The following YPEL5 variants were observed in gnomAD, a reference collection of about 807,000 sequenced individuals.
YPEL5 encodes the protein yippee like 5.
In YPEL5, 1 loss-of-function variant was observed where a neutral mutation model predicts 10.5. The ratio of observed to expected loss-of-function variants is 0.10; its 90% CI spans 0.03 to 0.45. The LOEUF (loss-of-function observed/expected upper bound fraction) is 0.45. YPEL5 is among the 20% of genes least tolerant of loss of function. The probability of loss-of-function intolerance (pLI) is 0.97; values close to 1 mark genes in which losing one functional copy is unlikely to be tolerated. For missense variants in YPEL5, 68 were observed against 159.3 expected (o/e 0.43, Z 3.09); for synonymous variants, 61 against 56.6 (o/e 1.08, Z -0.35).
At position 30,147,873 on chromosome 2, in the gene YPEL5, C is replaced by T. The variant is rs181330454; in HGVS notation, c.-25+811C>T. The T allele has an allele frequency of 4.9e-3, 754 of 153,942 alleles. 12 individuals are homozygous for T. Among genetic ancestry groups the T allele is most frequent in the African/African-American group, 0.017 (726 of 41,534 alleles). The allele number at this position is 153,942 out of a possible 1,614,324, so 9.5% of individuals were successfully genotyped here. The stretch of plus-strand genomic sequence containing the variant: ...CGCCACCGCCGCCGCCGCGCTCTGC[C>T]GCCCCGGTCCCTCCCGATTGGCCGG... On this transcript the variant is annotated intron_variant, in intron 1 of 2. Transcript: ENST00000261353.
At chr2:30,149,630 TAA>T (rs1675686120) in intron 1 of YPEL5, among the ~76,000 whole-genome samples, 1 of 152,320 alleles carries the variant, frequency 6.6e-6, no homozygotes, top group South Asian at 2.1e-4. Flanking sequence ...GGGAAGAGAT[TAA>T]AAACGAGATA....
At chr2:30,154,046 G>A (rs2103514689) in intron 1 of YPEL5, among the ~76,000 whole-genome samples, 1 of 152,334 alleles carries the variant, frequency 6.6e-6, no homozygotes, top group African/African-American at 2.4e-5. Context: ...AGTGGTCAAT[G>A]TAGATACAGG....
rs1268221693 is a variant in YPEL5 at position 30,160,503 on chromosome 2, G to T, written c.*1660G>T. On this transcript the variant is annotated 3_prime_UTR_variant, in exon 3 of 3. Transcript: ENST00000261353. The stretch of plus-strand genomic sequence containing the variant: ...CTTACCTACAGCACTATGTGCATTT[G>T]CTGTCACAATAAAGTATATTTTGTC... 6.6e-6 allele frequency: 1 copy of T among 152,172 alleles called. No homozygotes were observed. Among genetic ancestry groups the T allele is most frequent in the Non-Finnish European group, 1.5e-5 (1 of 68,024 alleles). 9.4% of individuals were successfully genotyped at this position (152,172 alleles called of 1,614,324 possible). A position where few individuals can be genotyped will look rare whatever the true frequency, so the allele number is the denominator to read the frequency against.
At chr2:30,157,214 C>T (rs1434765116) in intron 2 of YPEL5, among the ~76,000 whole-genome samples, 1 of 151,158 alleles carries the variant, frequency 6.6e-6, no homozygotes, top group Non-Finnish European at 1.5e-5. Flanking sequence ...ACCTGGGAGG[C>T]GGAGGTTGTG....
rs1222872245 is a variant in YPEL5 at position 30,158,792 on chromosome 2, A to G, written c.315A>G (p.Leu105=). 10 of 1,614,222 alleles carry G rather than the reference A, an allele frequency of 6.2e-6. No individual in the cohort carries two copies. The highest frequency in any genetic ancestry group is 8.5e-6 in the Non-Finnish European group (10 of 1,180,034). Residue 105 remains leucine (L), a synonymous_variant, in exon 3 of 3, where the codon CTA becomes CTG. Transcript: ENST00000261353. ...KEGRVILERA[L]VRESEGFEEH... ...GCCGCGTGATCCTGGAACGTGCTCT[A>G]GTTCGAGAGAGTGAGGGCTTTGAGG...
At chr2:30,154,247 C>G (rs1044933099) in intron 1 of YPEL5, among the ~76,000 whole-genome samples, 1 of 152,336 alleles carries the variant, frequency 6.6e-6, no homozygotes, top group South Asian at 2.1e-4. Context: ...ACTCCAAAAC[C>G]TTGCTGTTGA....
intron 1 of YPEL5, among the ~76,000 whole-genome samples, chr2:30,150,376 G>C (rs1184429805): frequency 6.6e-6 from 1 of 152,168 alleles, no homozygotes; most frequent in Non-Finnish European, 1.5e-5. Flanking sequence ...GGTGGCTGCT[G>C]CTCTCACCAT....
intron 1 of YPEL5, among the ~76,000 whole-genome samples, chr2:30,151,867 G>A (rs144811329): frequency 4.5e-4 from 69 of 152,162 alleles, no homozygotes; most frequent in Non-Finnish European, 7.6e-4. Flanking sequence ...AGAAATACGG[G>A]GCTGAAGAGA....
rs1676232537 is a variant in YPEL5 at position 30,160,527 on chromosome 2, T to C, written c.*1684T>C. 1 of 152,236 alleles carries C rather than the reference T, an allele frequency of 6.6e-6. No homozygotes were observed. The highest frequency in any genetic ancestry group is 1.5e-5 in the Non-Finnish European group (1 of 68,034). The allele number at this position is 152,236 out of a possible 1,614,324, so 9.4% of individuals were successfully genotyped here. On this transcript the variant is annotated 3_prime_UTR_variant, in exon 3 of 3. Transcript: ENST00000261353. Reference sequence around the variant, plus strand: ...TGCTGTCACAATAAAGTATATTTTGTCTTGCATTGATGCAGTACTGCTGCT... The same window carrying C: ...TGCTGTCACAATAAAGTATATTTTGCCTTGCATTGATGCAGTACTGCTGCT...
chr2:30,153,894 G>T (rs1032536982), intron 1 of YPEL5, among the ~76,000 whole-genome samples: 1 of 152,164 alleles, frequency 6.6e-6, no homozygotes, highest in African/African-American at 2.4e-5. Context: ...GGAATCAGGG[G>T]AAAAAGGCAT....
At chr2:30,151,477 A>C (rs1178955559) in intron 1 of YPEL5, among the ~76,000 whole-genome samples, 2 of 152,212 alleles carry the variant, frequency 1.3e-5, no homozygotes, top group East Asian at 3.9e-4. Context: ...CGATCTATGA[A>C]ATTATCTATA....
intron 1 of YPEL5, chr2:30,147,964 G>C (rs1420556193): frequency 6.6e-6 from 1 of 152,050 alleles, no homozygotes; most frequent in Non-Finnish European, 1.5e-5. Flanking sequence ...TGCGGCTGCC[G>C]GGTGAGCCCA....
chr2:30,156,835 G>C (rs1312581178), intron 2 of YPEL5, 43 bp downstream of exon 2: 1 of 1,607,814 alleles, frequency 6.2e-7, no homozygotes. Context: ...CTTATTGGCT[G>C]TATTTGACAG....
chr2:30,153,643 C>T (rs539718884), intron 1 of YPEL5, among the ~76,000 whole-genome samples: 1 of 152,270 alleles, frequency 6.6e-6, no homozygotes, highest in South Asian at 2.1e-4. Flanking sequence ...TTTCTACTTC[C>T]TAAAGACCTT....
chr2:30,149,172 G>A (rs970152204), intron 1 of YPEL5, among the ~76,000 whole-genome samples: 1 of 152,166 alleles, frequency 6.6e-6, no homozygotes, highest in African/African-American at 2.4e-5. Flanking sequence ...GGTTTCCTGA[G>A]TGAAATGACT....
In YPEL5 at chr2:30,159,707, C is replaced by T. The variant is rs1676202138; in HGVS notation, c.*864C>T. 6.6e-6 allele frequency: 1 copy of T among 152,066 alleles called. No homozygotes were observed. Among genetic ancestry groups the T allele is most frequent in the Non-Finnish European group, 1.5e-5 (1 of 68,016 alleles). 9.4% of individuals were successfully genotyped at this position (152,066 alleles called of 1,614,324 possible). The stretch of plus-strand genomic sequence containing the variant: ...TTAAATGAAAGCATACTGTTGAAAC[C>T]CGCAGTGTTGCATTTAGAAAACAGT... On this transcript the variant is annotated 3_prime_UTR_variant, in exon 3 of 3. Transcript: ENST00000261353.
At chr2:30,156,494 C>T in intron 1 of YPEL5, 134 bp from the exon 2 acceptor site, 1 of 785,326 alleles carries the variant, frequency 1.3e-6, no homozygotes, top group Non-Finnish European at 2.0e-6. Flanking sequence ...TCAGGATCAG[C>T]TATTTCACAC....
rs1676200138 is a variant in YPEL5, at chr2:30,159,667, T to C, written c.*824T>C. ...TCTCTTAAACTAAATTGACCATGCA[T>C]ATAATATTCTTTGTTTAAATGAAAG... On this transcript the variant is annotated 3_prime_UTR_variant, in exon 3 of 3. Transcript: ENST00000261353. 1 of 152,220 alleles carries C rather than the reference T, an allele frequency of 6.6e-6. No individual in the cohort carries two copies. Among genetic ancestry groups the C allele is most frequent in the Admixed American group, 6.5e-5 (1 of 15,278 alleles). 9.4% of individuals were successfully genotyped at this position (152,220 alleles called of 1,614,324 possible).
At chr2:30,152,280 C>T (rs1675832343) in intron 1 of YPEL5, among the ~76,000 whole-genome samples, 1 of 152,070 alleles carries the variant, frequency 6.6e-6, no homozygotes. Context: ...ATGCCTTTGA[C>T]CATATTTTTG....
Sources: gnomAD v4.1 joint callset for allele counts (sites outside exome capture counted in the v4.1 genomes callset) on GRCh38, gnomAD v4.1.1 for gene constraint, MANE v1.5 for transcripts, NCBI Gene and HGNC (gene_info 2026-07-23, HGNC 2026-07-21) for gene names.